PLEC: variants seen among roughly 807,000 people sequenced by gnomAD.
The protein encoded by PLEC is plectin.
PLEC carries 216 observed loss-of-function variants against 392.8 expected under a neutral mutation model. That is an observed-to-expected ratio of 0.55 (90% confidence interval 0.49 to 0.62). The LOEUF is 0.62. Among genes scored for constraint, PLEC ranks in the 20% least tolerant of loss-of-function variants. The pLI is 0.00. For synonymous variants in PLEC, 3,621 were observed against 2,980.6 expected, an observed-to-expected ratio of 1.21 and a Z score of -7.00; for missense variants, 6,863 against 6,563.4, an observed-to-expected ratio of 1.05 and a Z score of -1.58.
Position 143,920,331 on chromosome 8 carries a change from C to G in PLEC, c.9490G>C (p.Asp3164His), listed in dbSNP as rs782682146. The change falls in exon 32 of 32, where the codon GAT becomes CAT. Residue 3164 changes from aspartate (D) to histidine (H), a missense_variant. By Grantham distance (81) the Asp-to-His change is moderately conservative (BLOSUM62 -1). Coordinates refer to ENST00000345136, the MANE Select transcript of PLEC (RefSeq NM_201384.3). ...GACAGGGCCCTGCTGGTCTCCTCAT[C>G]CAGGCAGCCTCGGGCGCAGGCGACA... ...LDVACARGCL[D>H]EETSRALSAP... 6.3e-7 allele frequency: 1 copy of G among 1,593,574 alleles called. No individual in the cohort carries two copies. Among genetic ancestry groups the G allele is most frequent in the African/African-American group, 1.3e-5 (1 of 74,866 alleles).
upstream of PLEC, chr8:143,944,037 G>C (rs1476761315): frequency 3.2e-6 from 4 of 1,269,238 alleles, no homozygotes; most frequent in South Asian, 4.3e-5. Context: ...CCCCATACGC[G>C]GCGGCAGCCC....
At position 143,921,403 on chromosome 8, in the gene PLEC, C is replaced by T. The variant is rs1554685601; in HGVS notation, c.8418G>A (p.Leu2806=). ...LIVREHGIRL[L]EAQIATGGVI... is the part of the protein sequence containing the mutation. ...CGCCGCCCGTGGCGATCTGGGCCTC[C>T]AGCAGGCGGATGCCGTGCTCCCGGA... The change falls in exon 32 of 32, where the codon CTG becomes CTA. Residue 2806 remains leucine (L), a synonymous_variant. Transcript: ENST00000345136. 23 of 1,613,372 alleles carry T rather than the reference C, an allele frequency of 1.4e-5. No homozygotes were observed. The highest frequency in any genetic ancestry group is 1.9e-5 in the Non-Finnish European group (23 of 1,179,798).
upstream of PLEC, chr8:143,975,054 C>T (rs1554745539): frequency 4.5e-6 from 5 of 1,122,208 alleles, no homozygotes; most frequent in South Asian, 2.7e-5. This position sits in a 1 kb window ranked among gnomAD's most constrained non-coding sequence, Gnocchi z 9.9. Context: ...CGAGGCCCTC[C>T]GTGACCCGCA....
intron 2 of PLEC, 49 bp downstream of exon 2, chr8:143,938,582 C>T (rs782731059): frequency 1.0e-4 from 159 of 1,597,202 alleles, no homozygotes; most frequent in Non-Finnish European, 1.3e-4. Flanking sequence ...TCCCTCAGCG[C>T]CTCCCACAGC....
chr8:143,948,157 C>G (rs1224688491), intron 1 of PLEC, among the ~76,000 whole-genome samples: 1 of 152,244 alleles, frequency 6.6e-6, no homozygotes, highest in African/African-American at 2.4e-5. Flanking sequence ...AAGCAGACCA[C>G]CAGGGCACAG....
At chr8:143,933,489 TC>T in intron 12 of PLEC, 138 bp from the exon 13 acceptor site, 2 of 1,017,912 alleles carry the variant, frequency 2.0e-6, no homozygotes, top group South Asian at 2.6e-5. Flanking sequence ...TCCCCTTCCC[TC>T]CCTGCCCACC....
chr8:143,924,639 T>TCTCGGCCCGCACCTTGGCCAG lies in PLEC; in HGVS notation c.5269_5289dup (p.Leu1757_Glu1763dup). The TCTCGGCCCGCACCTTGGCCAG allele has an allele frequency of 2.6e-6, 4 of 1,537,404 alleles. No homozygotes were observed. The highest frequency in any genetic ancestry group is 3.5e-6 in the Non-Finnish European group (4 of 1,147,990). The stretch of plus-strand genomic sequence containing the variant: ...GCCTTGCTGGCCAGCAGCACCTCCA[T>TCTCGGCCCGCACCTTGGCCAG]CTCGGCCCGCACCTTGGCCAGCTCG... On this transcript the variant is annotated inframe_insertion, in exon 31 of 32. Coordinates refer to ENST00000345136, the MANE Select transcript of PLEC (RefSeq NM_201384.3).
intron 1 of PLEC, among the ~76,000 whole-genome samples, chr8:143,962,050 G>A (rs1832893456): frequency 6.6e-6 from 1 of 152,160 alleles, no homozygotes; most frequent in African/African-American, 2.4e-5. Context: ...ACCAACTACT[G>A]CAGGATGGCT....
chr8:143,931,483 A>G (rs1390448453), intron 19 of PLEC, 51 bp downstream of exon 19: 2 of 1,554,150 alleles, frequency 1.3e-6, no homozygotes, highest in African/African-American at 1.4e-5. Context: ...CGTGCAGCCC[A>G]GACTCCAGGC....
rs781801739 is a variant in PLEC at position 143,934,077 on chromosome 8, T to C, written c.1184A>G (p.Gln395Arg). ...CATCTGCAGCTTGGTCACGATGCGC[T>C]GAAGACACTCCAGCCTGCAGCAGCA... The part of the protein sequence containing the change: ...RSEFERLECL[Q>R]RIVTKLQMEA... The change falls in exon 12 of 32, where the codon CAG becomes CGG. Residue 395 changes from glutamine (Q) to arginine (R), a missense_variant. Coordinates refer to ENST00000345136, the MANE Select transcript of PLEC (RefSeq NM_201384.3). 5 of 1,611,580 alleles carry C rather than the reference T, an allele frequency of 3.1e-6. No individual in the cohort carries two copies. The highest frequency in any genetic ancestry group is 1.7e-5 in the Admixed American group (1 of 59,954).
intron 17 of PLEC, 27 bp downstream of exon 17, chr8:143,932,103 G>A (rs1243893974): frequency 6.3e-7 from 1 of 1,587,658 alleles, no homozygotes. Flanking sequence ...CCCCCCCGCA[G>A]CCCCGCCCCT....
chr8:143,949,555 G>A (rs564286879), intron 1 of PLEC, among the ~76,000 whole-genome samples: 12 of 152,288 alleles, frequency 7.9e-5, no homozygotes, highest in Non-Finnish European at 1.5e-4. Context: ...CTAGGCCCCA[G>A]GCTGGGCCAG....
At chr8:143,972,542 G>T (rs1270505355) in intron 1 of PLEC, among the ~76,000 whole-genome samples, 4 of 152,218 alleles carry the variant, frequency 2.6e-5, no homozygotes, top group Non-Finnish European at 5.9e-5. Flanking sequence ...CTGCCCTTGG[G>T]GGCAGAGCCA....
At chr8:143,945,067 C>A in intron 1 of PLEC, 2 of 400,470 alleles carry the variant, frequency 5.0e-6, no homozygotes, top group Non-Finnish European at 9.5e-6. Context: ...CACCCACCTG[C>A]CCTGCCAAGC....
At chr8:143,961,757 A>G (rs1832883097) in intron 1 of PLEC, among the ~76,000 whole-genome samples, 1 of 152,256 alleles carries the variant, frequency 6.6e-6, no homozygotes, top group Non-Finnish European at 1.5e-5. Context: ...CTTATGTCTA[A>G]AATACTTCAT....
chr8:143,916,596 C>T lies in PLEC; in HGVS notation c.13225G>A (p.Asp4409Asn), dbSNP rs1820652178. ...EPDTPGRVPL[D>N]EALQRGTVDA... The stretch of plus-strand genomic sequence containing the variant: ...ACCGTGCCGCGCTGCAGGGCCTCGT[C>T]CAGGGGCACGCGGCCCGGCGTGTCG... The change falls in exon 32 of 32, where the codon GAC becomes AAC. Residue 4409 changes from aspartate (D) to asparagine (N), a missense_variant. Coordinates refer to ENST00000345136, the MANE Select transcript of PLEC (RefSeq NM_201384.3). 1.2e-6 allele frequency: 2 copies of T among 1,610,482 alleles called. No individual in the cohort carries two copies. The highest frequency in any genetic ancestry group is 2.2e-5 in the East Asian group (1 of 44,832).
rs1339386349 is a variant in PLEC, at chr8:143,916,030, A to G, written c.*147T>C. 8.6e-6 allele frequency: 5 copies of G among 578,658 alleles called. No individual in the cohort carries two copies. Among genetic ancestry groups the G allele is most frequent in the Non-Finnish European group, 1.5e-5 (5 of 337,910 alleles). The allele number at this position is 578,658 out of a possible 1,614,324, so 35.8% of individuals were successfully genotyped here. A position where few individuals can be genotyped will look rare whatever the true frequency, so the allele number is the denominator to read the frequency against. On this transcript the variant is annotated 3_prime_UTR_variant, in exon 32 of 32. Coordinates refer to ENST00000345136, the MANE Select transcript of PLEC (RefSeq NM_201384.3). ...AAGATACAGGCTGTCTGGACAGCAG[A>G]TATATATTAATATATTAGTCTGGTC...
intron 1 of PLEC, among the ~76,000 whole-genome samples, chr8:143,948,809 G>A (rs1334353122): frequency 2.6e-5 from 4 of 152,352 alleles, no homozygotes; most frequent in Non-Finnish European, 4.4e-5. Flanking sequence ...ACCACAGCTA[G>A]GAGTTGAGCA....
rs1554718059 is a variant in PLEC at position 143,932,761 on chromosome 8, C to T, written c.1737+32G>A. 1.9e-6 allele frequency: 3 copies of T among 1,610,078 alleles called. No homozygotes were observed. The East Asian group carries it at 6.7e-5, about 36-fold the overall frequency. On this transcript the variant is annotated intron_variant, in intron 14 of 31. Coordinates refer to ENST00000345136, the MANE Select transcript of PLEC (RefSeq NM_201384.3). ...TCTGCAGTGGCTGGGCCCGGCCCAC[C>T]CCCGCACTGCCCATCGCTCAGCGCC...
Sources: gnomAD v4.1 joint callset for allele counts (sites outside exome capture counted in the v4.1 genomes callset) on GRCh38, gnomAD v4.1.1 for gene constraint, Gnocchi (gnomAD v3.1) non-coding constraint, MANE v1.5 for transcripts, NCBI Gene and HGNC (gene_info 2026-07-23, HGNC 2026-07-21) for gene names.